PASK: variants seen among roughly 807,000 people sequenced by gnomAD.
PASK encodes PAS domain containing serine/threonine kinase.
PASK carries 110 observed loss-of-function variants against 121.0 expected under a neutral mutation model. The observed-to-expected ratio is 0.91, with a 90% CI of 0.78 to 1.06. The LOEUF (loss-of-function observed/expected upper bound fraction) is 1.06, where lower values mean the gene tolerates loss of function less well. Among genes scored for constraint, PASK ranks in the 50% least tolerant of loss-of-function variants. The pLI is 0.00. For missense variants in PASK, 1,643 were observed against 1,702.3 expected (o/e 0.97, Z 0.61); for synonymous variants, 686 against 717.8 (o/e 0.96, Z 0.71).
At chr2:241,140,391 C>T in intron 3 of PASK, 130 bp downstream of exon 3, 1 of 763,920 alleles carries the variant, frequency 1.3e-6, no homozygotes. Context: ...CTCCTGGGCT[C>T]AAGCAAACTT....
At chr2:241,116,219 C>T (rs533953700) in intron 12 of PASK, among the ~76,000 whole-genome samples, 2 of 152,242 alleles carry the variant, frequency 1.3e-5, no homozygotes, top group African/African-American at 2.4e-5. Flanking sequence ...TTGGTCCATG[C>T]GGCAGACACA....
intron 15 of PASK, among the ~76,000 whole-genome samples, chr2:241,111,311 C>T (rs1428901858): frequency 2.0e-5 from 3 of 152,160 alleles, no homozygotes; most frequent in African/African-American, 4.8e-5. Flanking sequence ...CAGATATGGG[C>T]GGTGCAGCAG....
chr2:241,129,896 T>C (rs1296240034), intron 9 of PASK, among the ~76,000 whole-genome samples: 1 of 152,216 alleles, frequency 6.6e-6, no homozygotes, highest in Non-Finnish European at 1.5e-5. Flanking sequence ...GACCCCCACC[T>C]GCTGTCTGAG....
intron 9 of PASK, 45 bp from the exon 10 acceptor site, chr2:241,127,496 A>G (rs1484439850): frequency 7.1e-7 from 1 of 1,413,894 alleles, no homozygotes; most frequent in Non-Finnish European, 1.0e-6. Context: ...GCCACAGATG[A>G]GTCAAAAGGA....
intron 9 of PASK, among the ~76,000 whole-genome samples, chr2:241,131,068 G>C (rs1288930113): frequency 7.3e-6 from 1 of 136,246 alleles, no homozygotes; most frequent in African/African-American, 3.8e-5. Flanking sequence ...GATTGGAGGA[G>C]GGGGATTGGA....
chr2:241,106,161 T>C lies in PASK; in HGVS notation c.*405A>G, dbSNP rs1445511718. The C allele has an allele frequency of 1.3e-5, 3 of 231,048 alleles. No homozygotes were observed. Among genetic ancestry groups the C allele is most frequent in the African/African-American group, 7.0e-5 (3 of 42,946 alleles). The allele number at this position is 231,048 out of a possible 1,614,324, so 14.3% of individuals were successfully genotyped here. Reference sequence around the variant, plus strand: ...CATTTGAGGAAATAAATTAATGAAATAGTCTGGCCATTTGACTAACCAGTT... The same window carrying C: ...CATTTGAGGAAATAAATTAATGAAACAGTCTGGCCATTTGACTAACCAGTT... On this transcript the variant is annotated 3_prime_UTR_variant, in exon 18 of 18. Transcript: ENST00000234040.
chr2:241,144,245 T>G (rs1387390139), intron 1 of PASK, among the ~76,000 whole-genome samples: 1 of 152,080 alleles, frequency 6.6e-6, no homozygotes, highest in African/African-American at 2.4e-5. Context: ...TACTTAAGAG[T>G]TCCATCCTGC....
chr2:241,135,773 G>A (rs2066388962), intron 8 of PASK, 98 bp downstream of exon 8: 4 of 1,184,234 alleles, frequency 3.4e-6, no homozygotes, highest in Non-Finnish European at 1.2e-6. Context: ...CCTCTGGAGG[G>A]ACAATAGCTC....
At chr2:241,141,784 G>T (rs1328207764) in intron 2 of PASK, among the ~76,000 whole-genome samples, 1 of 151,808 alleles carries the variant, frequency 6.6e-6, no homozygotes, top group East Asian at 1.9e-4. Context: ...ATGTCCTCCA[G>T]CCAGGACCCC....
chr2:241,130,644 C>T (rs1057403730), intron 9 of PASK, among the ~76,000 whole-genome samples: 5 of 152,130 alleles, frequency 3.3e-5, no homozygotes, highest in Admixed American at 3.3e-4. Flanking sequence ...CTCTGTTCCA[C>T]TCGCAGTGGA....
rs767264831 is a variant in PASK, at chr2:241,126,756, G to A, written c.2159C>T (p.Thr720Met). The change falls in exon 10 of 18, where the codon ACG (threonine) becomes ATG (methionine). Residue 720 changes from threonine to methionine, a missense_variant. Coordinates refer to ENST00000234040, the MANE Select transcript of PASK (RefSeq NM_015148.4). Reference protein sequence around the residue: ...GSSSACYALATDLPGGLEAVE... With the variant: ...GSSSACYALAMDLPGGLEAVE... ...TGCTTCCAGGCCCCCAGGGAGGTCC[G>A]TGGCCAAGGCATAGCAGGCTGAGGA... is the stretch of plus-strand genomic sequence containing the variant. 12 of 1,613,932 alleles carry A rather than the reference G, an allele frequency of 7.4e-6. No homozygotes were observed. Among genetic ancestry groups the A allele is most frequent in the African/African-American group, 2.7e-5 (2 of 74,942 alleles).
At chr2:241,145,423 G>A (rs2066908839) in intron 1 of PASK, among the ~76,000 whole-genome samples, 1 of 152,036 alleles carries the variant, frequency 6.6e-6, no homozygotes. Flanking sequence ...CAGGGAGATG[G>A]AGGCCAGCCT....
intron 1 of PASK, 100 bp from the exon 2 acceptor site, chr2:241,143,174 G>T: frequency 1.4e-6 from 1 of 719,242 alleles, no homozygotes; most frequent in Non-Finnish European, 2.5e-6. Flanking sequence ...GGCCCCAAAA[G>T]ACATACACCA....
At chr2:241,128,088 CT>C (rs1445408839) in intron 9 of PASK, among the ~76,000 whole-genome samples, 1 of 152,216 alleles carries the variant, frequency 6.6e-6, no homozygotes, top group African/African-American at 2.4e-5. Context: ...CGAGACCAGA[CT>C]GGCCAACATG....
rs970877224 is a variant in PASK, at chr2:241,127,729, C to T, written c.1464-278G>A. On this transcript the variant is annotated intron_variant, in intron 9 of 17. Transcript: ENST00000234040. Reference sequence around the variant, plus strand: ...TTGCCAATGCTTTGGTCAGCGCTCTCGCTTCATCTCAGGGCCCCCAAACCC... The same window carrying T: ...TTGCCAATGCTTTGGTCAGCGCTCTTGCTTCATCTCAGGGCCCCCAAACCC... The T allele has an allele frequency of 4.8e-5, 21 of 436,652 alleles. 1 individual carries two copies. Among genetic ancestry groups the T allele is most frequent in the Admixed American group, 2.0e-4 (6 of 29,574 alleles). The allele number at this position is 436,652 out of a possible 1,614,324, so 27.0% of individuals were successfully genotyped here. A position where few individuals can be genotyped will look rare whatever the true frequency, so the allele number is the denominator to read the frequency against.
chr2:241,120,851 T>A (rs1251352395), intron 12 of PASK, among the ~76,000 whole-genome samples: 1 of 152,228 alleles, frequency 6.6e-6, no homozygotes, highest in African/African-American at 2.4e-5. Context: ...AAACATATGT[T>A]CACACAAATC....
Position 241,139,916 on chromosome 2 carries a change from T to C in PASK, c.569A>G (p.Asp190Gly), listed in dbSNP as rs2066623730. Residue 190 changes from aspartate to glycine, a missense_variant, in exon 4 of 18, where the codon GAC (aspartate) becomes GGC (glycine). Physicochemically the swap from Asp to Gly is moderately conservative, Grantham distance 94 (BLOSUM62 -1). Transcript: ENST00000234040. ...GCCAAACACCACCGCAGCGTGGCCG[T>C]CGGCCTCCATGTGCTCCTCGCTGAG... ...EALSEEHMEA[D>G]GHAAVVFGTV... The C allele has an allele frequency of 6.2e-7, 1 of 1,614,046 alleles. No individual in the cohort carries two copies. Among genetic ancestry groups the C allele is most frequent in the Non-Finnish European group, 8.5e-7 (1 of 1,180,014 alleles).
intron 4 of PASK, chr2:241,139,580 G>A (rs1229488610): frequency 1.6e-6 from 1 of 632,568 alleles, no homozygotes; most frequent in South Asian, 1.5e-5. Context: ...CTGCCCGGCA[G>A]GACTGCAAAA....
At chr2:241,106,871 G>A in intron 17 of PASK, 148 bp from the exon 18 acceptor site, 2 of 794,416 alleles carry the variant, frequency 2.5e-6, no homozygotes, top group East Asian at 2.6e-5. Context: ...TACAGATCCT[G>A]CCAAGGTGGG....
Sources: allele counts gnomAD v4.1 joint callset (sites outside exome capture counted in the v4.1 genomes callset), GRCh38; gene constraint gnomAD v4.1.1; transcripts MANE v1.5; gene names NCBI Gene and HGNC (gene_info 2026-07-23, HGNC 2026-07-21).